Variants in VPS35L observed in about 807,000 individuals in gnomAD.
VPS35L encodes the protein VPS35 endosomal protein sorting factor like.
Under a neutral mutation model 133.0 loss-of-function variants are expected in VPS35L, and 83 were observed. The observed-to-expected ratio is 0.62, with a 90% CI of 0.52 to 0.75. The LOEUF is 0.75. Ranked by LOEUF, VPS35L falls within the 30% of genes least tolerant of loss-of-function variation. VPS35L has a pLI of 0.00. For synonymous variants in VPS35L, 423 were observed against 449.9 expected, an observed-to-expected ratio of 0.94 and a Z score of 0.76; for missense variants, 1,083 against 1,206.8, an observed-to-expected ratio of 0.90 and a Z score of 1.52.
At chr16:19,635,410 A>G (rs1973593621) in intron 19 of VPS35L, among the ~76,000 whole-genome samples, 1 of 152,194 alleles carries the variant, frequency 6.6e-6, no homozygotes, top group Non-Finnish European at 1.5e-5. Context: ...CCCCACATAT[A>G]TCATTGCCCT....
rs904759686 is a variant in VPS35L, at chr16:19,693,654, T to G, written c.2646+2183T>G. ...AAAAAATTAGTTGGGTGTGGTGGTG[T>G]GTGCCTGTAGTCCCAGCTACTTGGG... is the stretch of plus-strand genomic sequence containing the variant. On this transcript the variant is annotated intron_variant, in intron 29 of 30. Transcript: ENST00000417362. 4.0e-5 allele frequency among the ~76,000 whole-genome samples: 6 copies of G among 151,722 alleles called. No homozygotes were observed. In the South Asian group the frequency reaches 6.3e-4, roughly 16 times the overall value.
intron 14 of VPS35L, among the ~76,000 whole-genome samples, chr16:19,621,980 A>ATG (rs758829029): frequency 6.6e-6 from 1 of 151,618 alleles, no homozygotes; most frequent in Non-Finnish European, 1.5e-5. Context: ...GTATGTGTGC[A>ATG]TGTGTGTGTG....
At chr16:19,615,062 A>G (rs922779193) in intron 12 of VPS35L, among the ~76,000 whole-genome samples, 1 of 152,252 alleles carries the variant, frequency 6.6e-6, no homozygotes, top group African/African-American at 2.4e-5. Context: ...TTAACTAAGC[A>G]TGTAACGGGG....
At chr16:19,591,898 T>G (rs1361676831) in intron 8 of VPS35L, 24 bp downstream of exon 8, 10 of 1,515,678 alleles carry the variant, frequency 6.6e-6, no homozygotes, top group African/African-American at 2.7e-5. Flanking sequence ...ATATGCATCT[T>G]AGATCTAGGA....
chr16:19,618,646 T>G (rs1175921724), intron 14 of VPS35L, among the ~76,000 whole-genome samples: 1 of 152,166 alleles, frequency 6.6e-6, no homozygotes, highest in East Asian at 1.9e-4. Context: ...ACAGCTGTTG[T>G]GATAGAGTAG....
chr16:19,662,650 A>G (rs1974525947), intron 26 of VPS35L, among the ~76,000 whole-genome samples: 1 of 147,646 alleles, frequency 6.8e-6, no homozygotes, highest in Admixed American at 6.7e-5. Context: ...TAAACAAGCT[A>G]TTTAGATAAA....
chr16:19,628,539 G>A, intron 16 of VPS35L, 98 bp from the exon 17 acceptor site: 1 of 633,958 alleles, frequency 1.6e-6, no homozygotes, highest in Non-Finnish European at 2.7e-6. Context: ...GCCCCAAGAA[G>A]GATTAAACAT....
intron 26 of VPS35L, among the ~76,000 whole-genome samples, chr16:19,665,483 T>C (rs1974632750): frequency 6.6e-6 from 1 of 152,210 alleles, no homozygotes; most frequent in African/African-American, 2.4e-5. Context: ...GCCCTCCAGT[T>C]TCACCCATGT....
chr16:19,695,393 G>C (rs1252531091), intron 29 of VPS35L, among the ~76,000 whole-genome samples: 1 of 152,246 alleles, frequency 6.6e-6, no homozygotes, highest in East Asian at 1.9e-4. Flanking sequence ...CTCTGGTGGA[G>C]AGAGGGGTTG....
intron 26 of VPS35L, among the ~76,000 whole-genome samples, chr16:19,656,362 G>T (rs928464481): frequency 2.8e-5 from 4 of 141,966 alleles, no homozygotes; most frequent in Non-Finnish European, 5.9e-5. Context: ...GTGTTTATGA[G>T]AACATGGGAA....
chr16:19,645,956 C>CTT (rs55832572), intron 23 of VPS35L, among the ~76,000 whole-genome samples: 7 of 151,582 alleles, frequency 4.6e-5, no homozygotes, highest in African/African-American at 1.7e-4. Flanking sequence ...AATAACAGGG[C>CTT]TTTTTTTTGC....
At chr16:19,646,651 C>A (rs1276681552) in intron 23 of VPS35L, among the ~76,000 whole-genome samples, 2 of 145,530 alleles carry the variant, frequency 1.4e-5, no homozygotes, top group African/African-American at 5.1e-5. Context: ...GGCAACAGAG[C>A]AAAACTCTGT....
rs575237462 is a variant in VPS35L, at chr16:19,637,469, C to T, written c.1636-125C>T. 7.5e-4 allele frequency: 465 copies of T among 617,456 alleles called. 2 individuals are homozygous for T. The highest frequency in any genetic ancestry group is 5.6e-3 in the African/African-American group (301 of 53,458). 38.2% of individuals were successfully genotyped at this position (617,456 alleles called of 1,614,324 possible). On this transcript the variant is annotated intron_variant, in intron 19 of 30. Coordinates refer to ENST00000417362, the MANE Select transcript of VPS35L (RefSeq NM_020314.7). Reference sequence around the variant, plus strand: ...GCTTACCTTATTGTAGTAATAATTGCAAATTATGAAAGGTGATTGCCTTTT... The same window carrying T: ...GCTTACCTTATTGTAGTAATAATTGTAAATTATGAAAGGTGATTGCCTTTT...
rs1029890349 is a variant in VPS35L, at chr16:19,675,247, A to G, written c.2361+5948A>G. Among the ~76,000 whole-genome samples, 10 of 130,294 alleles carry G rather than the reference A, an allele frequency of 7.7e-5. No individual in the cohort carries two copies. In the South Asian group the frequency reaches 2.2e-3, roughly 28 times the overall value. 85.5% of individuals were successfully genotyped at this position (130,294 alleles called of 152,430 possible). On this transcript the variant is annotated intron_variant, in intron 27 of 30. Coordinates refer to ENST00000417362, the MANE Select transcript of VPS35L (RefSeq NM_020314.7). ...GTTACAGGTGTGAGTCACTGCACCC[A>G]GTCTTTTTTTTTTTTTTTTGAGTCT...
At chr16:19,691,226 T>C (rs1975668686) in intron 28 of VPS35L, 127 bp from the exon 29 acceptor site, 1 of 739,330 alleles carries the variant, frequency 1.4e-6, no homozygotes, top group Non-Finnish European at 2.4e-6. Flanking sequence ...TTTCCGCCAC[T>C]TCCATGTGCC....
At position 19,620,138 on chromosome 16, in the gene VPS35L, T is replaced by C. The variant is rs564839720; in HGVS notation, c.1224+3330T>C. Reference sequence around the variant, plus strand: ...TTCGGGCTGCCATAATAAAGCGCCATAGAATGTTTAAAATAGAAATGCAGC... The same window carrying C: ...TTCGGGCTGCCATAATAAAGCGCCACAGAATGTTTAAAATAGAAATGCAGC... On this transcript the variant is annotated intron_variant, in intron 14 of 30. Transcript: ENST00000417362. Among the ~76,000 whole-genome samples the C allele has an allele frequency of 8.5e-5, 13 of 152,336 alleles. 1 individual carries two copies. The South Asian group carries it at 2.1e-3, about 24-fold the overall frequency.
chr16:19,617,220 C>T (rs565771082), intron 14 of VPS35L: 291 of 447,470 alleles, frequency 6.5e-4, no homozygotes, highest in Non-Finnish European at 8.6e-4. Flanking sequence ...TAGCCAGACA[C>T]GGTGATATAT....
At position 19,657,027 on chromosome 16, in the gene VPS35L, G is replaced by A. The variant is rs948251270; in HGVS notation, c.2221+4937G>A. Among the ~76,000 whole-genome samples, 28 of 148,392 alleles carry A rather than the reference G, an allele frequency of 1.9e-4. 1 individual carries two copies. Among genetic ancestry groups the A allele is most frequent in the Admixed American group, 1.5e-3 (22 of 14,720 alleles). ...GTCGTCCAGGCTGGACTGCAGTGGC[G>A]TGATCTCTGCTCGCTGCAACCTCCG... On this transcript the variant is annotated intron_variant, in intron 26 of 30. Transcript: ENST00000417362.
At chr16:19,695,303 G>A (rs57422828) in intron 29 of VPS35L, among the ~76,000 whole-genome samples, 9,532 of 152,240 alleles carry the variant, frequency 0.063, 944 homozygotes, top group African/African-American at 0.21. Context: ...TCATAGCCCA[G>A]AAGTCCCAAG....
Sources: allele counts gnomAD v4.1 joint callset (sites outside exome capture counted in the v4.1 genomes callset), GRCh38; gene constraint gnomAD v4.1.1; transcripts MANE v1.5; gene names NCBI Gene and HGNC (gene_info 2026-07-23, HGNC 2026-07-21).